Variants in NOSTRIN observed in about 807,000 individuals in gnomAD.
NOSTRIN encodes nitric oxide synthase trafficking.
A neutral mutation model predicts 59.0 loss-of-function variants in NOSTRIN; 63 were observed. That is an observed-to-expected ratio of 1.07 (90% CI 0.87 to 1.32). The LOEUF (loss-of-function observed/expected upper bound fraction) is 1.32, where lower values mean the gene tolerates loss of function less well. Ranked by LOEUF, NOSTRIN falls within the 40% of genes most tolerant of loss-of-function variation. NOSTRIN has a pLI of 0.00. For synonymous variants in NOSTRIN, 200 were observed against 165.4 expected (o/e 1.21, Z -1.61); for missense variants, 512 against 473.1 (o/e 1.08, Z -0.76).
chr2:168,822,509 A>G (rs1270756383), intron 2 of NOSTRIN, among the ~76,000 whole-genome samples: 1 of 152,256 alleles, frequency 6.6e-6, no homozygotes, highest in African/African-American at 2.4e-5. Context: ...GCTCTGCCCA[A>G]ATGAAATAAC....
intron 1 of NOSTRIN, among the ~76,000 whole-genome samples, chr2:168,807,251 CACACACACACACATACAT>C (rs1483348016): frequency 6.6e-5 from 10 of 151,360 alleles, no homozygotes; most frequent in Non-Finnish European, 1.2e-4. Flanking sequence ...ATTTTCTGAA[CACACACACACACATACAT>C]ACACACACAC....
chr2:168,814,350 C>T (rs1686293688), intron 2 of NOSTRIN, among the ~76,000 whole-genome samples: 1 of 152,202 alleles, frequency 6.6e-6, no homozygotes, highest in Admixed American at 6.5e-5. Context: ...TGCCTTGACT[C>T]TCCCCATTCT....
chr2:168,794,265 C>T (rs543776674), upstream of NOSTRIN, among the ~76,000 whole-genome samples: 1 of 151,732 alleles, frequency 6.6e-6, no homozygotes, highest in Non-Finnish European at 1.5e-5. Flanking sequence ...TGAAAGAACT[C>T]GTGTTTTTCA....
intron 8 of NOSTRIN, among the ~76,000 whole-genome samples, chr2:168,844,728 C>A (rs192766537): frequency 6.6e-6 from 1 of 151,894 alleles, no homozygotes; most frequent in Non-Finnish European, 1.5e-5. Flanking sequence ...AAATTAGCCG[C>A]GCGTGGTGGC....
chr2:168,822,513 A>G (rs1686803449), intron 2 of NOSTRIN, among the ~76,000 whole-genome samples: 1 of 152,254 alleles, frequency 6.6e-6, no homozygotes, highest in Non-Finnish European at 1.5e-5. Flanking sequence ...TGCCCAAATG[A>G]AATAACATAA....
chr2:168,830,316 C>A (rs1687291805), intron 5 of NOSTRIN, among the ~76,000 whole-genome samples: 1 of 152,132 alleles, frequency 6.6e-6, no homozygotes, highest in Non-Finnish European at 1.5e-5. Context: ...TTCTTTTCTG[C>A]ATTGCCCCTC....
intron 3 of NOSTRIN, 40 bp downstream of exon 3, chr2:168,824,757 T>C: frequency 1.2e-6 from 1 of 814,324 alleles, no homozygotes; most frequent in East Asian, 2.5e-5. Context: ...TCAACCCTTT[T>C]TTTATTTGTT....
chr2:168,855,229 T>G, intron 10 of NOSTRIN, 123 bp from the exon 11 acceptor site: 1 of 514,842 alleles, frequency 1.9e-6, no homozygotes, highest in Non-Finnish European at 3.4e-6. Flanking sequence ...TTATCCTGCT[T>G]AAAAATTTTG....
intron 3 of NOSTRIN, among the ~76,000 whole-genome samples, chr2:168,825,365 A>C (rs1687001998): frequency 6.6e-6 from 1 of 152,224 alleles, no homozygotes; most frequent in Non-Finnish European, 1.5e-5. Context: ...CACATTCATA[A>C]TAGGCCTTGG....
chr2:168,811,714 T>A (rs1415029747), intron 2 of NOSTRIN, 62 bp downstream of exon 2: 5 of 706,346 alleles, frequency 7.1e-6, no homozygotes, highest in South Asian at 7.1e-5. Flanking sequence ...GTGATATGAC[T>A]GGAGGAGTGA....
intron 2 of NOSTRIN, among the ~76,000 whole-genome samples, chr2:168,823,283 T>C (rs1302986184): frequency 6.6e-6 from 1 of 152,226 alleles, no homozygotes; most frequent in Non-Finnish European, 1.5e-5. Context: ...CCCAAAATGC[T>C]AGGATTACAG....
rs1689810297 is a variant in NOSTRIN, at chr2:168,865,456, T to C, written c.*486T>C. 6.5e-6 allele frequency: 1 copy of C among 154,258 alleles called. No individual in the cohort carries two copies. Among genetic ancestry groups the C allele is most frequent in the African/African-American group, 2.4e-5 (1 of 41,392 alleles). 9.6% of individuals were successfully genotyped at this position (154,258 alleles called of 1,614,324 possible). A position where few individuals can be genotyped will look rare whatever the true frequency, so the allele number is the denominator to read the frequency against. On this transcript the variant is annotated 3_prime_UTR_variant, in exon 16 of 16. Transcript: ENST00000317647. ...GAGAGACAGGCAATCAAGACACCAA[T>C]GAGATCAACCCAAATTAGGGGATGG...
intron 6 of NOSTRIN, among the ~76,000 whole-genome samples, chr2:168,832,745 T>A (rs544645579): frequency 1.2e-4 from 18 of 152,356 alleles, no homozygotes; most frequent in African/African-American, 4.3e-4. Flanking sequence ...TTTTTAGTTT[T>A]GCCATGGATT....
chr2:168,838,471 A>G (rs1360708597), intron 7 of NOSTRIN, among the ~76,000 whole-genome samples: 2 of 152,098 alleles, frequency 1.3e-5, no homozygotes, highest in Non-Finnish European at 2.9e-5. Flanking sequence ...AACTCCAAAC[A>G]TCAAGTGATC....
In NOSTRIN at chr2:168,856,722, A is replaced by T. The variant is rs1054617821; in HGVS notation, c.997A>T (p.Thr333Ser). 6.2e-7 allele frequency: 1 copy of T among 1,613,984 alleles called. No homozygotes were observed. Residue 333 changes from threonine (T) to serine (S), a missense_variant, in exon 12 of 16, where the codon ACC (threonine) becomes TCC (serine). Thr to Ser is a moderately conservative substitution (Grantham distance 58, BLOSUM62 1). Coordinates refer to ENST00000317647, the MANE Select transcript of NOSTRIN (RefSeq NM_001039724.4). Reference sequence around the variant, plus strand: ...ACGAATGCTTAAAACGTACTCCAGCACCTCCTCCTTCTCTGATGCAAAGAG... The same window carrying T: ...ACGAATGCTTAAAACGTACTCCAGCTCCTCCTCCTTCTCTGATGCAAAGAG... Reference protein sequence around the residue: ...LERMLKTYSSTSSFSDAKSQK... With the variant: ...LERMLKTYSSSSSFSDAKSQK...
chr2:168,817,153 GA>G (rs111296427), intron 2 of NOSTRIN, among the ~76,000 whole-genome samples: 5 of 152,180 alleles, frequency 3.3e-5, no homozygotes, highest in African/African-American at 1.2e-4. Flanking sequence ...TGGGGATATG[GA>G]AAAGATGATA....
chr2:168,828,578 C>T, intron 5 of NOSTRIN, 77 bp downstream of exon 5: 1 of 586,948 alleles, frequency 1.7e-6, no homozygotes, highest in Non-Finnish European at 3.0e-6. Context: ...AAAAGGTGAT[C>T]TGAAAGTGGT....
At chr2:168,839,761 C>T (rs1157659037) in intron 7 of NOSTRIN, among the ~76,000 whole-genome samples, 1 of 151,398 alleles carries the variant, frequency 6.6e-6, no homozygotes, top group Non-Finnish European at 1.5e-5. Context: ...TGGCACATGC[C>T]TGTAATCCCA....
At chr2:168,858,012 T>C (rs982319756) in intron 12 of NOSTRIN, among the ~76,000 whole-genome samples, 4 of 152,230 alleles carry the variant, frequency 2.6e-5, no homozygotes, top group African/African-American at 7.2e-5. Flanking sequence ...ATACCTGCAA[T>C]GACCCGTGGC....
Sources: gnomAD v4.1 joint callset for allele counts (sites outside exome capture counted in the v4.1 genomes callset) on GRCh38, gnomAD v4.1.1 for gene constraint, MANE v1.5 for transcripts, NCBI Gene and HGNC (gene_info 2026-07-23, HGNC 2026-07-21) for gene names.